The following MAST3 variants were observed in gnomAD, a reference collection of about 807,000 sequenced individuals.
MAST3 encodes microtubule associated serine/threonine kinase 3.
A neutral mutation model predicts 127.0 loss-of-function variants in MAST3; 43 were observed. The ratio of observed to expected loss-of-function variants is 0.34; its 90% CI spans 0.27 to 0.44. The LOEUF (loss-of-function observed/expected upper bound fraction) is 0.44, where lower values mean the gene tolerates loss of function less well. MAST3 is among the 20% of genes least tolerant of loss of function. The pLI is 1.00. For missense variants in MAST3, 1,390 were observed against 1,919.1 expected (o/e 0.72, Z 5.15); for synonymous variants, 785 against 809.2 (o/e 0.97, Z 0.51).
Position 18,143,998 on chromosome 19 carries a change from A to G in MAST3, c.2575A>G (p.Ser859Gly), listed in dbSNP as rs531065067. The part of the protein sequence containing the change: ...AATPVMPKPS[S>G]LSADTAALSH... Reference sequence around the variant, plus strand: ...CACCCCAGTGATGCCCAAGCCCTCGAGCCTTTCTGGTAAGTGGGGCCCTGA... The same window carrying G: ...CACCCCAGTGATGCCCAAGCCCTCGGGCCTTTCTGGTAAGTGGGGCCCTGA... Residue 859 changes from serine to glycine, a missense_variant, in exon 22 of 28, where the codon AGC becomes GGC. By Grantham distance (56) the Ser-to-Gly change is moderately conservative (BLOSUM62 0). Coordinates refer to ENST00000687212, the MANE Select transcript of MAST3 (RefSeq NM_001393504.1). 1 of 1,565,844 alleles carries G rather than the reference A, an allele frequency of 6.4e-7. No individual in the cohort carries two copies. Among genetic ancestry groups the G allele is most frequent in the African/African-American group, 1.4e-5 (1 of 73,790 alleles).
chr19:18,144,188 G>T lies in MAST3; in HGVS notation c.2584+181G>T, dbSNP rs904750727. On this transcript the variant is annotated intron_variant, in intron 22 of 27. Coordinates refer to ENST00000687212, the MANE Select transcript of MAST3 (RefSeq NM_001393504.1). The surrounding 1 kb of genome is among the most constrained non-coding windows in gnomAD (Gnocchi z 4.0). ...CAAGGAACCCCAGTCTAGGGTAAAT[G>T]CCCCCAGCTTCATAGAGTCAGGATG... Among the ~76,000 whole-genome samples the T allele has an allele frequency of 6.6e-6, 1 of 152,134 alleles. No homozygotes were observed. Among genetic ancestry groups the T allele is most frequent in the Non-Finnish European group, 1.5e-5 (1 of 68,020 alleles).
Position 18,143,855 on chromosome 19 carries a change from G to A in MAST3, c.2432G>A (p.Ser811Asn), listed in dbSNP as rs2042763336. The A allele has an allele frequency of 1.2e-6, 2 of 1,613,832 alleles. No individual in the cohort carries two copies. Among genetic ancestry groups the A allele is most frequent in the South Asian group, 1.1e-5 (1 of 91,084 alleles). Residue 811 changes from serine (S) to asparagine (N), a missense_variant, in exon 22 of 28, where the codon AGC becomes AAC. By Grantham distance (46) the Ser-to-Asn change is conservative. This residue lies in a region of MAST3 where 816 missense variants were observed against 934.1 expected (regional missense o/e 0.87). Transcript: ENST00000687212. ...AGCCCATCTCTCCTGAATACCATCA[G>A]CCTGGACACAATGCCCAAGTTTGCC... The part of the protein sequence containing the change: ...GPSPSLLNTI[S>N]LDTMPKFAFS...
chr19:18,117,982 C>T (rs2039482249), intron 3 of MAST3: 1 of 365,934 alleles, frequency 2.7e-6, no homozygotes, highest in South Asian at 1.1e-4. Context: ...CCCGCCCCCG[C>T]ACTCGCCTGG....
At chr19:18,140,584 C>T (rs1239993586) in intron 20 of MAST3, among the ~76,000 whole-genome samples, 1 of 152,160 alleles carries the variant, frequency 6.6e-6, no homozygotes, top group Non-Finnish European at 1.5e-5. Context: ...ATGCAATTCA[C>T]ACTATGTGGC....
rs773667515 is a variant in MAST3 at position 18,130,481 on chromosome 19, CCT to C, written c.1224-10_1224-9del. 6.3e-7 allele frequency: 1 copy of C among 1,582,142 alleles called. No homozygotes were observed. Among genetic ancestry groups the C allele is most frequent in the Non-Finnish European group, 8.6e-7 (1 of 1,163,914 alleles). On this transcript the variant is annotated splice_polypyrimidine_tract_variant and intron_variant, in intron 13 of 27. Coordinates refer to ENST00000687212, the MANE Select transcript of MAST3 (RefSeq NM_001393504.1). ...GATCTCCGGTCCCAGCAAGCCTGGC[CCT>C]CTGTCCCCAGGGCCGTCTACCTGGT...
At chr19:18,148,741 A>G (rs988829326) in intron 27 of MAST3, among the ~76,000 whole-genome samples, 2 of 152,028 alleles carry the variant, frequency 1.3e-5, no homozygotes, top group Admixed American at 6.5e-5. Flanking sequence ...CAACTCTACT[A>G]AAAATACAAA....
chr19:18,127,072 G>A (rs273492), intron 11 of MAST3, among the ~76,000 whole-genome samples: 43,656 of 151,568 alleles, frequency 0.29, 6,803 homozygotes, highest in African/African-American at 0.42. Flanking sequence ...GAGCCACCGC[G>A]CCTGGCCTAC....
At chr19:18,115,275 G>A (rs1470543324) in intron 3 of MAST3, among the ~76,000 whole-genome samples, 1 of 152,058 alleles carries the variant, frequency 6.6e-6, no homozygotes, top group African/African-American at 2.4e-5. Context: ...TTTTGCAGAG[G>A]GGGAAACTGA....
At position 18,149,399 on chromosome 19, in the gene MAST3, G is replaced by T. The variant is rs568538034; in HGVS notation, c.3717G>T (p.Ser1239=). ...CPPISAPPPR[S]PSPLPGHPPA... The stretch of plus-strand genomic sequence containing the variant: ...CCATCTCCGCGCCCCCACCCCGCTC[G>T]CCCTCGCCCCTGCCCGGGCACCCGC... Residue 1239 remains serine (S), a synonymous_variant, in exon 28 of 28, where the codon TCG becomes TCT. Transcript: ENST00000687212. This position sits in a 1 kb window ranked among gnomAD's most constrained non-coding sequence, Gnocchi z 5.9. 1,725 of 1,453,594 alleles carry T rather than the reference G, an allele frequency of 1.2e-3. 8 individuals carry two copies. Among genetic ancestry groups the T allele is most frequent in the South Asian group, 3.5e-3 (252 of 72,508 alleles). 90.0% of individuals were successfully genotyped at this position (1,453,594 alleles called of 1,614,324 possible). A position where few individuals can be genotyped will look rare whatever the true frequency, so the allele number is the denominator to read the frequency against.
At chr19:18,135,962 G>A in intron 18 of MAST3, 121 bp downstream of exon 18, 2 of 688,978 alleles carry the variant, frequency 2.9e-6, no homozygotes, top group Non-Finnish European at 5.0e-6. Context: ...GGAGGAGGGG[G>A]TTTGCAGCTA....
intron 1 of MAST3, among the ~76,000 whole-genome samples, chr19:18,105,107 C>G (rs56971820): frequency 0.37 from 56,305 of 152,036 alleles, 10,820 homozygotes; most frequent in Admixed American, 0.42. Flanking sequence ...ATGGCTTACA[C>G]TGTAATCCCA....
chr19:18,129,938 G>GAAA lies in MAST3; in HGVS notation c.1224-556_1224-555insAAA, dbSNP rs1491376017. 1.6e-3 allele frequency among the ~76,000 whole-genome samples: 232 copies of GAAA among 142,884 alleles called. 1 individual carries two copies. Among genetic ancestry groups the GAAA allele is most frequent in the African/African-American group, 3.9e-3 (152 of 38,600 alleles). 93.7% of individuals were successfully genotyped at this position (142,884 alleles called of 152,430 possible). A position where few individuals can be genotyped will look rare whatever the true frequency, so the allele number is the denominator to read the frequency against. On this transcript the variant is annotated intron_variant, in intron 13 of 27. Coordinates refer to ENST00000687212, the MANE Select transcript of MAST3 (RefSeq NM_001393504.1). Reference sequence around the variant, plus strand: ...AGACCATCTCAAAAAAAAAAAAAAAGGAAAGAAAGAAAGAAAGAAATACAC... The same window carrying GAAA: ...AGACCATCTCAAAAAAAAAAAAAAAGAAAGAAAGAAAGAAAGAAAGAAATACAC...
chr19:18,141,334 T>G (rs1311065376), intron 20 of MAST3, among the ~76,000 whole-genome samples: 2 of 151,522 alleles, frequency 1.3e-5, no homozygotes, highest in African/African-American at 2.4e-5. Context: ...TGACTCATAC[T>G]GAAGCAACTG....
At chr19:18,100,120 C>CTA (rs2038727223) in intron 1 of MAST3, among the ~76,000 whole-genome samples, 1 of 99,816 alleles carries the variant, frequency 1.0e-5, no homozygotes, top group Admixed American at 1.3e-4. Context: ...GGATCTCTCT[C>CTA]TCTCTCTCTT....
rs547616430 is a variant in MAST3 at position 18,123,665 on chromosome 19, G to A, written c.633+10G>A. On this transcript the variant is annotated intron_variant, in intron 8 of 27. Transcript: ENST00000687212. ...GGAGAGGTTCCCCAAGGTGGGCAGC[G>A]CCTGGCGGCTGGACCAGCCCCTGCA... 1.9e-5 allele frequency: 29 copies of A among 1,555,386 alleles called. No individual in the cohort carries two copies. Among genetic ancestry groups the A allele is most frequent in the Middle Eastern group, 1.7e-4 (1 of 5,812 alleles).
At chr19:18,111,860 C>T (rs2038689312) in intron 3 of MAST3, among the ~76,000 whole-genome samples, 1 of 152,150 alleles carries the variant, frequency 6.6e-6, no homozygotes, top group Admixed American at 6.6e-5. Flanking sequence ...ATATAGAGCC[C>T]ACATTTGGGT....
intron 1 of MAST3, among the ~76,000 whole-genome samples, chr19:18,102,668 G>T (rs529044170): frequency 5.9e-5 from 9 of 152,234 alleles, no homozygotes; most frequent in African/African-American, 2.2e-4. Flanking sequence ...TTTAAGTAGA[G>T]ACGGGGTTTC....
chr19:18,130,841 C>G (rs1282277768), intron 14 of MAST3, 139 bp downstream of exon 14: 5 of 881,936 alleles, frequency 5.7e-6, no homozygotes, highest in Non-Finnish European at 8.7e-6. Flanking sequence ...CTCAGGAACC[C>G]CAGTCTGGGG....
chr19:18,125,509 G>A (rs754715074), intron 11 of MAST3, among the ~76,000 whole-genome samples: 12 of 149,264 alleles, frequency 8.0e-5, no homozygotes, highest in Non-Finnish European at 1.6e-4. Flanking sequence ...TTGGGAGGCC[G>A]AGGTGGGTGG....
Sources: gnomAD v4.1 joint callset for allele counts (sites outside exome capture counted in the v4.1 genomes callset) on GRCh38, gnomAD v4.1.1 for gene constraint, gnomAD v4.1.1 regional missense constraint, Gnocchi (gnomAD v3.1) non-coding constraint, MANE v1.5 for transcripts, NCBI Gene and HGNC (gene_info 2026-07-23, HGNC 2026-07-21) for gene names.